Variants in PLCL2 observed in about 807,000 individuals in gnomAD.
PLCL2 encodes the protein inactive phospholipase C-like protein 2.
PLCL2 carries 4 observed loss-of-function variants against 79.6 expected under a neutral mutation model. The observed-to-expected ratio is 0.05, with a 90% CI of 0.02 to 0.11. The LOEUF (loss-of-function observed/expected upper bound fraction) is 0.11. Among genes scored for constraint, PLCL2 ranks in the 10% least tolerant of loss-of-function variants. The probability of loss-of-function intolerance (pLI) is 1.00; values close to 1 mark genes in which losing one functional copy is unlikely to be tolerated. For synonymous variants in PLCL2, 484 were observed against 457.7 expected, an observed-to-expected ratio of 1.06 and a Z score of -0.73; for missense variants, 895 against 1,291.0, an observed-to-expected ratio of 0.69 and a Z score of 4.70.
chr3:16,988,275 G>A (rs547460650), intron 1 of PLCL2, among the ~76,000 whole-genome samples: 1 of 152,176 alleles, frequency 6.6e-6, no homozygotes, highest in South Asian at 2.1e-4. Flanking sequence ...ATTTGGTCGG[G>A]GTATATTTAG....
chr3:17,082,587 T>C (rs1312555706), intron 5 of PLCL2, among the ~76,000 whole-genome samples: 2 of 152,176 alleles, frequency 1.3e-5, no homozygotes, highest in Admixed American at 6.5e-5. Flanking sequence ...TGTCTCGCCT[T>C]GGTAATGTCC....
At chr3:17,024,158 G>A (rs1202650870) in intron 3 of PLCL2, among the ~76,000 whole-genome samples, 3 of 152,200 alleles carry the variant, frequency 2.0e-5, no homozygotes, top group African/African-American at 7.2e-5. Context: ...TGATCATCAA[G>A]AACAGTGGAG....
At chr3:17,069,240 TGG>T (rs1460168736) in intron 5 of PLCL2, among the ~76,000 whole-genome samples, 2 of 152,100 alleles carry the variant, frequency 1.3e-5, no homozygotes, top group Non-Finnish European at 2.9e-5. Context: ...GGGAAATGAA[TGG>T]GCCCAGTGCT....
chr3:17,013,232 G>T (rs994656069), intron 2 of PLCL2, among the ~76,000 whole-genome samples: 11 of 152,320 alleles, frequency 7.2e-5, no homozygotes, highest in African/African-American at 2.6e-4. Context: ...TTCCTTTGAG[G>T]ATTTGTCAGA....
chr3:16,902,269 G>T (rs1478314308), intron 1 of PLCL2, among the ~76,000 whole-genome samples: 2 of 152,126 alleles, frequency 1.3e-5, no homozygotes, highest in Non-Finnish European at 2.9e-5. Flanking sequence ...TTTTTAAGGA[G>T]TTGGCAAGGT....
At chr3:17,029,579 C>A (rs1037988441) in intron 3 of PLCL2, among the ~76,000 whole-genome samples, 1 of 152,096 alleles carries the variant, frequency 6.6e-6, no homozygotes, top group African/African-American at 2.4e-5. Flanking sequence ...TAGTCAGAGG[C>A]TGTGGTGTAC....
At chr3:17,027,110 A>G (rs2064525968) in intron 3 of PLCL2, among the ~76,000 whole-genome samples, 1 of 152,154 alleles carries the variant, frequency 6.6e-6, no homozygotes. Flanking sequence ...CTTTTAAAAT[A>G]CCAACTACAC....
intron 1 of PLCL2, among the ~76,000 whole-genome samples, chr3:16,888,300 T>C (rs1696270558): frequency 6.6e-6 from 1 of 152,238 alleles, no homozygotes; most frequent in Non-Finnish European, 1.5e-5. Context: ...GAAATTGTTG[T>C]AAAACAATAT....
At chr3:16,988,528 G>A (rs2064072864) in intron 1 of PLCL2, among the ~76,000 whole-genome samples, 1 of 152,072 alleles carries the variant, frequency 6.6e-6, no homozygotes, top group Admixed American at 6.6e-5. Flanking sequence ...TGCGGTCTGG[G>A]TAGTCTTTTC....
At chr3:16,992,304 T>G (rs2064112742) in intron 1 of PLCL2, among the ~76,000 whole-genome samples, 2 of 152,154 alleles carry the variant, frequency 1.3e-5, no homozygotes, top group Non-Finnish European at 2.9e-5. Context: ...GCCTTCACCC[T>G]TCCTGGCACC....
intron 1 of PLCL2, among the ~76,000 whole-genome samples, chr3:16,915,114 G>A (rs1696963051): frequency 6.6e-6 from 1 of 152,206 alleles, no homozygotes; most frequent in African/African-American, 2.4e-5. Flanking sequence ...TGTCTTAGTA[G>A]ACGGATGTTG....
chr3:16,956,093 G>C (rs1236867296), intron 1 of PLCL2, among the ~76,000 whole-genome samples: 24 of 150,762 alleles, frequency 1.6e-4, no homozygotes, highest in Middle Eastern at 6.8e-3. Context: ...GAGAGGGCAT[G>C]CCTGTCTTGT....
intron 1 of PLCL2, among the ~76,000 whole-genome samples, chr3:16,938,014 C>T (rs1456356955): frequency 1.3e-5 from 2 of 152,158 alleles, no homozygotes; most frequent in Non-Finnish European, 1.5e-5. Context: ...TTAAAATATA[C>T]ATGTCTTACA....
intron 1 of PLCL2, among the ~76,000 whole-genome samples, chr3:16,953,262 A>G (rs1223296983): frequency 1.3e-5 from 2 of 152,204 alleles, no homozygotes; most frequent in Admixed American, 6.5e-5. Context: ...GGAGTAATAC[A>G]TAGGAAATAA....
intron 1 of PLCL2, among the ~76,000 whole-genome samples, chr3:16,960,959 G>C (rs1441036): frequency 0.028 from 4,335 of 152,198 alleles, 227 homozygotes; most frequent in African/African-American, 0.1. Context: ...AAAATATAAA[G>C]AAAATAAGAT....
intron 1 of PLCL2, among the ~76,000 whole-genome samples, chr3:16,902,146 T>G (rs918315124): frequency 6.6e-6 from 1 of 152,224 alleles, no homozygotes; most frequent in Non-Finnish European, 1.5e-5. Context: ...TGTCTTATCC[T>G]GCCCCCTCCT....
At chr3:16,890,557 CT>C (rs1230348925) in intron 1 of PLCL2, among the ~76,000 whole-genome samples, 1 of 152,168 alleles carries the variant, frequency 6.6e-6, no homozygotes, top group Non-Finnish European at 1.5e-5. Context: ...AGACTTTATA[CT>C]TATGTGTTCA....
At chr3:16,941,958 C>T (rs1275365918) in intron 1 of PLCL2, among the ~76,000 whole-genome samples, 4 of 151,960 alleles carry the variant, frequency 2.6e-5, no homozygotes, top group African/African-American at 9.7e-5. Context: ...TCCTTAAGAA[C>T]CGGGACCATT....
Position 17,010,599 on chromosome 3 carries a change from A to T in PLCL2, c.1253A>T (p.Asp418Val), listed in dbSNP as rs1458498287. Residue 418 changes from aspartate (D) to valine (V), a missense_variant, in exon 2 of 6, where the codon GAT becomes GTT. By Grantham distance (152) the Asp-to-Val change is radical (BLOSUM62 -3). This residue lies in a region of PLCL2 where 242 missense variants were observed against 399.5 expected (regional missense o/e 0.61). Coordinates refer to ENST00000615277, the MANE Select transcript of PLCL2 (RefSeq NM_001144382.2). This position sits in a 1 kb window ranked among gnomAD's most constrained non-coding sequence, Gnocchi z 5.8. ...YLMSPDCYIF[D>V]PEHKKVCQDM... ...ATGTCACCTGACTGTTATATATTCG[A>T]TCCAGAACATAAGAAGGTCTGTCAG... The T allele has an allele frequency of 1.9e-6, 3 of 1,614,136 alleles. No homozygotes were observed. The Admixed American group carries it at 5.0e-5, about 27-fold the overall frequency.
Sources: gnomAD v4.1 joint callset for allele counts (sites outside exome capture counted in the v4.1 genomes callset) on GRCh38, gnomAD v4.1.1 for gene constraint, gnomAD v4.1.1 regional missense constraint, Gnocchi (gnomAD v3.1) non-coding constraint, MANE v1.5 for transcripts, NCBI Gene and HGNC (gene_info 2026-07-23, HGNC 2026-07-21) for gene names.